Variants in KLHL22 observed in about 807,000 individuals in gnomAD.
KLHL22 encodes the protein kelch-like protein 22.
In KLHL22, 18 loss-of-function variants were observed where a neutral mutation model predicts 60.7. That is an observed-to-expected ratio of 0.30 (90% CI 0.20 to 0.44). KLHL22 has a LOEUF of 0.44. KLHL22 is among the 20% of genes least tolerant of loss of function. The probability of loss-of-function intolerance (pLI) is 1.00; values close to 1 mark genes in which losing one functional copy is unlikely to be tolerated. For synonymous variants in KLHL22, 355 were observed against 354.5 expected (o/e 1.00, Z -0.01); for missense variants, 596 against 852.3 (o/e 0.70, Z 3.74).
intron 1 of KLHL22, chr22:20,493,153 G>A (rs964490836): frequency 1.3e-5 from 6 of 471,016 alleles, no homozygotes; most frequent in South Asian, 3.1e-5. Context: ...CTCACCTTCC[G>A]TGAGCATAGT....
intron 2 of KLHL22, among the ~76,000 whole-genome samples, chr22:20,478,903 C>T (rs1252012159): frequency 4.7e-5 from 7 of 150,490 alleles, no homozygotes; most frequent in South Asian, 4.2e-4. Flanking sequence ...CCGAGGTGGG[C>T]GGATCACCTG....
At chr22:20,457,738 C>T (rs771445498) in intron 5 of KLHL22, 70 bp downstream of exon 5, 193 of 1,262,010 alleles carry the variant, frequency 1.5e-4, no homozygotes, top group Non-Finnish European at 2.1e-4. Context: ...ACACCTAGGC[C>T]TCTCACTCTT....
chr22:20,451,514 C>T, intron 5 of KLHL22: 1 of 1,596,990 alleles, frequency 6.3e-7, no homozygotes, highest in South Asian at 1.1e-5. Flanking sequence ...CGTTCTGGTG[C>T]AGGAGTAGCC....
At chr22:20,449,419 G>C (rs1245300725) in intron 5 of KLHL22, among the ~76,000 whole-genome samples, 1 of 151,008 alleles carries the variant, frequency 6.6e-6, no homozygotes, top group Non-Finnish European at 1.5e-5. Flanking sequence ...TTTTGTTTTT[G>C]AGATGGAGTC....
rs2053369268 is a variant in KLHL22, at chr22:20,474,038, T to C, written c.228-2523A>G. On this transcript the variant is annotated intron_variant, in intron 2 of 6. Transcript: ENST00000328879. Reference sequence around the variant, plus strand: ...TTTTTGAGACGAAGTCTCACTCTGTTGCCTGGGCTGGAGTGCAGTGGTGCG... The same window carrying C: ...TTTTTGAGACGAAGTCTCACTCTGTCGCCTGGGCTGGAGTGCAGTGGTGCG... Among the ~76,000 whole-genome samples, 3 of 151,812 alleles carry C rather than the reference T, an allele frequency of 2.0e-5. No homozygotes were observed. In the South Asian group the frequency reaches 6.3e-4, roughly 32 times the overall value.
rs2053224331 is a variant in KLHL22 at position 20,465,723 on chromosome 22, A to G, written c.394-147T>C. 4 of 641,730 alleles carry G rather than the reference A, an allele frequency of 6.2e-6. No homozygotes were observed. The Admixed American group carries it at 7.5e-5, about 12-fold the overall frequency. 39.8% of individuals were successfully genotyped at this position (641,730 alleles called of 1,614,324 possible). A position where few individuals can be genotyped will look rare whatever the true frequency, so the allele number is the denominator to read the frequency against. On this transcript the variant is annotated intron_variant, in intron 3 of 6. Coordinates refer to ENST00000328879, the MANE Select transcript of KLHL22 (RefSeq NM_032775.4). This position sits in a 1 kb window ranked among gnomAD's most constrained non-coding sequence, Gnocchi z 4.9. ...TTAATTGTCCCCGACCTTTTCTGAC[A>G]CACTGGAGACTGGGGCTTACTGCAG...
At chr22:20,493,728 C>T (rs1023467285) in intron 1 of KLHL22, among the ~76,000 whole-genome samples, 4 of 151,870 alleles carry the variant, frequency 2.6e-5, no homozygotes, top group South Asian at 2.1e-4. Flanking sequence ...CATGACAGTG[C>T]GAGACTCCGT....
chr22:20,463,120 A>T (rs1281784998), intron 4 of KLHL22, among the ~76,000 whole-genome samples: 1 of 152,208 alleles, frequency 6.6e-6, no homozygotes, highest in African/African-American at 2.4e-5. Context: ...TGATGCCTTC[A>T]TTCTGGAGAG....
chr22:20,459,454 G>C (rs1206676291), intron 4 of KLHL22, among the ~76,000 whole-genome samples: 1 of 152,206 alleles, frequency 6.6e-6, no homozygotes, highest in Non-Finnish European at 1.5e-5. Flanking sequence ...CTGTCTAGCT[G>C]GGTGTGCCTG....
rs938534970 is a variant in KLHL22 at position 20,458,445 on chromosome 22, A to ATTTTT, written c.1113-450_1113-446dup. ...ACAGGTGCGCACCACAACGCCCGCT[A>ATTTTT]TTTTTTTTTTTTTTTTTTTTTTTGA... is the stretch of plus-strand genomic sequence containing the variant. On this transcript the variant is annotated intron_variant, in intron 4 of 6. Transcript: ENST00000328879. Among the ~76,000 whole-genome samples the ATTTTT allele has an allele frequency of 7.3e-4, 66 of 90,448 alleles. 2 individuals carry two copies. Among genetic ancestry groups the ATTTTT allele is most frequent in the Non-Finnish European group, 1.0e-3 (47 of 46,322 alleles). 59.3% of individuals were successfully genotyped at this position (90,448 alleles called of 152,430 possible). A position where few individuals can be genotyped will look rare whatever the true frequency, so the allele number is the denominator to read the frequency against.
intron 2 of KLHL22, among the ~76,000 whole-genome samples, chr22:20,486,254 C>A (rs2053585950): frequency 6.6e-6 from 1 of 152,086 alleles, no homozygotes. Context: ...CTCCCTCTCC[C>A]TTTGCCCTTT....
rs1047229944 is a variant in KLHL22 at position 20,477,335 on chromosome 22, G to A, written c.228-5820C>T. On this transcript the variant is annotated intron_variant, in intron 2 of 6. Transcript: ENST00000328879. The stretch of plus-strand genomic sequence containing the variant: ...GAACCTGGGAGGCGGAGGTTGCAGT[G>A]AGCTGATATCGCACCACTACTCTGT... Among the ~76,000 whole-genome samples, 3 of 151,990 alleles carry A rather than the reference G, an allele frequency of 2.0e-5. No individual in the cohort carries two copies. In the South Asian group the frequency reaches 6.2e-4, roughly 32 times the overall value.
At chr22:20,493,894 C>A (rs2053727923) in intron 1 of KLHL22, among the ~76,000 whole-genome samples, 2 of 151,744 alleles carry the variant, frequency 1.3e-5, no homozygotes, top group African/African-American at 4.8e-5. Flanking sequence ...GAAGCCCCAT[C>A]TCTACTAAAA....
chr22:20,491,887 A>G (rs2053697663), intron 1 of KLHL22: 1 of 152,306 alleles, frequency 6.6e-6, no homozygotes, highest in Non-Finnish European at 1.5e-5. Context: ...TGGGACCTCT[A>G]TCCAGCCACC....
Position 20,451,100 on chromosome 22 carries a change from A to G in KLHL22, c.1306-4424T>C, listed in dbSNP as rs1272679373. ...TGTTATGTGGCCTCAGTGTCCCTAC[A>G]TGACCAGATCTACGTCATTGGTGGC... On this transcript the variant is annotated intron_variant, in intron 5 of 6. Coordinates refer to ENST00000328879, the MANE Select transcript of KLHL22 (RefSeq NM_032775.4). The G allele has an allele frequency of 2.0e-6, 3 of 1,477,880 alleles. No homozygotes were observed. In the African/African-American group the frequency reaches 4.2e-5, roughly 20 times the overall value. The allele number at this position is 1,477,880 out of a possible 1,614,324, so 91.5% of individuals were successfully genotyped here.
At chr22:20,476,693 G>A (rs952131228) in intron 2 of KLHL22, among the ~76,000 whole-genome samples, 130 of 143,412 alleles carry the variant, frequency 9.1e-4, no homozygotes, top group African/African-American at 2.8e-3. Flanking sequence ...TATTACAGGC[G>A]TGAGCCACCA....
chr22:20,462,276 CAAAAAA>C (rs361908), intron 4 of KLHL22, among the ~76,000 whole-genome samples: 1 of 114,568 alleles, frequency 8.7e-6, no homozygotes, highest in Non-Finnish European at 1.7e-5. Flanking sequence ...GACTCTGTCT[CAAAAAA>C]AAAAAAAAAA....
At chr22:20,471,290 G>A (rs1247727630) in intron 3 of KLHL22, 60 bp downstream of exon 3, 1 of 1,529,400 alleles carries the variant, frequency 6.5e-7, no homozygotes, top group East Asian at 2.3e-5. Flanking sequence ...AGGCATCATG[G>A]GCATCTCAGG....
chr22:20,489,390 C>T, intron 1 of KLHL22, 146 bp from the exon 2 acceptor site: 1 of 655,860 alleles, frequency 1.5e-6, no homozygotes, highest in Non-Finnish European at 2.7e-6. Context: ...CCCCTAATTC[C>T]TTCTCCCCTC....
Sources: gnomAD v4.1 joint callset for allele counts (sites outside exome capture counted in the v4.1 genomes callset) on GRCh38, gnomAD v4.1.1 for gene constraint, Gnocchi (gnomAD v3.1) non-coding constraint, MANE v1.5 for transcripts, NCBI Gene and HGNC (gene_info 2026-07-23, HGNC 2026-07-21) for gene names.